Variants in RRAS observed in about 807,000 individuals in gnomAD.
RRAS encodes the protein RAS related, also known as ras-related protein R-Ras.
A neutral mutation model predicts 23.3 loss-of-function variants in RRAS; 18 were observed. The observed-to-expected ratio is 0.77, with a 90% CI of 0.53 to 1.15. RRAS has a LOEUF of 1.15. Ranked by LOEUF, RRAS falls within the 50% of genes most tolerant of loss-of-function variation. The pLI, the probability that RRAS is intolerant of heterozygous loss-of-function variation, is 0.00. For missense variants in RRAS, 291 were observed against 317.1 expected (o/e 0.92, Z 0.62); for synonymous variants, 133 against 138.3 (o/e 0.96, Z 0.27).
rs375821724 is a variant in RRAS at position 49,640,018 on chromosome 19, G to A, written c.81C>T (p.Ser27=). ...CCACGACCACCAGCTTGTGTGTCTC[G>A]CTGGGCGGGGGGTCCCCGGGCCCAG... is the stretch of plus-strand genomic sequence containing the variant. The part of the protein sequence containing the change: ...GGPGPGDPPP[S]ETHKLVVVGG... The change falls in exon 1 of 6, where the codon AGC becomes AGT. Residue 27 remains serine (S), a synonymous_variant. Transcript: ENST00000246792. 3.4e-4 allele frequency: 530 copies of A among 1,565,370 alleles called. 1 individual carries two copies. The highest frequency in any genetic ancestry group is 4.4e-4 in the Non-Finnish European group (515 of 1,164,036).
Position 49,635,490 on chromosome 19 carries a change from G to T in RRAS, c.*86C>A. 1 of 794,956 alleles carries T rather than the reference G, an allele frequency of 1.3e-6. No homozygotes were observed. The highest frequency in any genetic ancestry group is 1.9e-6 in the Non-Finnish European group (1 of 538,824). 49.2% of individuals were successfully genotyped at this position (794,956 alleles called of 1,614,324 possible). On this transcript the variant is annotated 3_prime_UTR_variant, in exon 6 of 6. Transcript: ENST00000246792. ...GGGAGACCCAGATGAGGAAATTGAGGCTCAGTGAGGGCCTCAGGTCACACA... is the reference window on the plus strand; with the variant it reads ...GGGAGACCCAGATGAGGAAATTGAGTCTCAGTGAGGGCCTCAGGTCACACA...
rs781209876 is a variant in RRAS at position 49,640,042 on chromosome 19, A to T, written c.57T>A (p.Pro19=). 3 of 1,520,150 alleles carry T rather than the reference A, an allele frequency of 2.0e-6. No homozygotes were observed. In the South Asian group the frequency reaches 3.6e-5, roughly 18 times the overall value. 94.2% of individuals were successfully genotyped at this position (1,520,150 alleles called of 1,614,324 possible). A position where few individuals can be genotyped will look rare whatever the true frequency, so the allele number is the denominator to read the frequency against. Residue 19 remains proline (P), a synonymous_variant, in exon 1 of 6, where the codon CCT becomes CCA. Coordinates refer to ENST00000246792, the MANE Select transcript of RRAS (RefSeq NM_006270.5). ...TGRGRPRGGG[P]GPGDPPPSET... is the part of the protein sequence containing the mutation. Reference sequence around the variant, plus strand: ...CGCTGGGCGGGGGGTCCCCGGGCCCAGGTCCCCCGCCCCGGGGCCGCCCCC... The same window carrying T: ...CGCTGGGCGGGGGGTCCCCGGGCCCTGGTCCCCCGCCCCGGGGCCGCCCCC...
Position 49,635,764 on chromosome 19 carries a change from T to C in RRAS, c.542A>G (p.Glu181Gly). Residue 181 changes from glutamate (E) to glycine (G), a missense_variant, in exon 5 of 6, where the codon GAG becomes GGG. Coordinates refer to ENST00000246792, the MANE Select transcript of RRAS (RefSeq NM_006270.5). ...ASAKLRLNVD[E>G]AFEQLVRAVR... ...AGCCCGCACCAGCTGCTCAAAAGCC[T>C]CGTCCACGTTGAGACGCAGTTTGGC... 1 of 1,591,722 alleles carries C rather than the reference T, an allele frequency of 6.3e-7. No homozygotes were observed. Among genetic ancestry groups the C allele is most frequent in the Non-Finnish European group, 8.6e-7 (1 of 1,163,272 alleles).
chr19:49,638,021 G>T (rs937208793), intron 1 of RRAS, among the ~76,000 whole-genome samples: 1 of 152,106 alleles, frequency 6.6e-6, no homozygotes, highest in Non-Finnish European at 1.5e-5. Flanking sequence ...TATCGGAGGC[G>T]TTGTTGTCCA....
rs754204165 is a variant in RRAS at position 49,639,997 on chromosome 19, G to A, written c.102C>T (p.Val34=). The A allele has an allele frequency of 5.0e-6, 8 of 1,585,944 alleles. No homozygotes were observed. Among genetic ancestry groups the A allele is most frequent in the Middle Eastern group, 1.8e-4 (1 of 5,626 alleles). Residue 34 remains valine, a synonymous_variant, in exon 1 of 6, where the codon GTC becomes GTT. Transcript: ENST00000246792. ...PPPSETHKLV[V]VGGGGVGKSA... ...TCTTGCCCACGCCGCCGCCGCCCAC[G>A]ACCACCAGCTTGTGTGTCTCGCTGG... is the stretch of plus-strand genomic sequence containing the variant.
In RRAS at chr19:49,637,301, C is replaced by CTTTTTTT. The variant is rs11400258; in HGVS notation, c.154-178_154-172dup. Among the ~76,000 whole-genome samples the CTTTTTTT allele has an allele frequency of 2.2e-4, 23 of 104,112 alleles. 8 individuals carry two copies. The highest frequency in any genetic ancestry group is 2.3e-4 in the Non-Finnish European group (12 of 53,264). The allele number at this position is 104,112 out of a possible 152,430, so 68.3% of individuals were successfully genotyped here. On this transcript the variant is annotated intron_variant, in intron 1 of 5. Transcript: ENST00000246792. ...CTCTGTCCCGTCTGTCTCTCTGAGT[C>CTTTTTTT]TTTTTTTTTTTTTTTTTTTTTTGAG...
rs1865076 is a variant in RRAS, at chr19:49,636,989, C to A, written c.241+54G>T. The A allele has an allele frequency of 0.68, 1,095,382 of 1,604,600 alleles. 376,012 individuals are homozygous for A. The highest frequency in any genetic ancestry group is 0.83 in the East Asian group (37,191 of 44,786). On this transcript the variant is annotated intron_variant, in intron 2 of 5. Coordinates refer to ENST00000246792, the MANE Select transcript of RRAS (RefSeq NM_006270.5). The surrounding 1 kb of genome is among the most constrained non-coding windows in gnomAD (Gnocchi z 4.5). ...GCTCCCCGCAGTCACCCCCAAGAGC[C>A]CTCAGCCCCCACTGACACCACCCCC...
At chr19:49,635,899 T>C (rs1192222804) in intron 4 of RRAS, 47 bp from the exon 5 acceptor site, 1 of 1,022,640 alleles carries the variant, frequency 9.8e-7, no homozygotes, top group African/African-American at 1.6e-5. Flanking sequence ...GCACTCAGGG[T>C]GACCGCAGCC....
chr19:49,639,335 G>T (rs1353462579), intron 1 of RRAS, among the ~76,000 whole-genome samples: 1 of 150,616 alleles, frequency 6.6e-6, no homozygotes, highest in African/African-American at 2.4e-5. Context: ...TGAGGCAGGA[G>T]AATTGCTTGA....
Position 49,636,733 on chromosome 19 carries a change from A to G in RRAS, c.345-6T>C. On this transcript the variant is annotated splice_region_variant and splice_polypyrimidine_tract_variant and intron_variant, in intron 3 of 5. Transcript: ENST00000246792. This position sits in a 1 kb window ranked among gnomAD's most constrained non-coding sequence, Gnocchi z 4.5. ...GCTTGCCCACCTCGTTGAAACTGCG[A>G]GTGAAGCCGGAGGCATGAGGTCCAG... is the stretch of plus-strand genomic sequence containing the variant. 6.2e-7 allele frequency: 1 copy of G among 1,613,662 alleles called. No individual in the cohort carries two copies. Among genetic ancestry groups the G allele is most frequent in the South Asian group, 1.1e-5 (1 of 91,078 alleles).
In RRAS at chr19:49,636,397, C is replaced by T. The variant is rs773392630; in HGVS notation, c.453+222G>A. Among the ~76,000 whole-genome samples the T allele has an allele frequency of 1.3e-5, 2 of 152,082 alleles. No homozygotes were observed. The highest frequency in any genetic ancestry group is 2.9e-5 in the Non-Finnish European group (2 of 67,998). ...GACGGGGGGTGAATGTCCTTTGTTCCGTCCAGCAGCCTCTCCTGAGGACAC... is the reference window on the plus strand; with the variant it reads ...GACGGGGGGTGAATGTCCTTTGTTCTGTCCAGCAGCCTCTCCTGAGGACAC... On this transcript the variant is annotated intron_variant, in intron 4 of 5. Coordinates refer to ENST00000246792, the MANE Select transcript of RRAS (RefSeq NM_006270.5). This position sits in a 1 kb window ranked among gnomAD's most constrained non-coding sequence, Gnocchi z 4.5.
Position 49,636,549 on chromosome 19 carries a change from G to T in RRAS, c.453+70C>A. 1.9e-6 allele frequency: 2 copies of T among 1,070,196 alleles called. No individual in the cohort carries two copies. The highest frequency in any genetic ancestry group is 2.9e-6 in the Non-Finnish European group (2 of 685,776). 66.3% of individuals were successfully genotyped at this position (1,070,196 alleles called of 1,614,324 possible). A position where few individuals can be genotyped will look rare whatever the true frequency, so the allele number is the denominator to read the frequency against. ...TGCAGGAACAGAGGAGGATGCTGAT[G>T]GGGGACAGGTGTGCTGGAAGGAGCC... On this transcript the variant is annotated intron_variant, in intron 4 of 5. Coordinates refer to ENST00000246792, the MANE Select transcript of RRAS (RefSeq NM_006270.5). This position sits in a 1 kb window ranked among gnomAD's most constrained non-coding sequence, Gnocchi z 4.5.
At chr19:49,639,858 G>A (rs2081014076) in intron 1 of RRAS, 88 bp downstream of exon 1, 1 of 1,176,034 alleles carries the variant, frequency 8.5e-7, no homozygotes, top group South Asian at 1.4e-5. Context: ...CTCAGTGATG[G>A]GTCAAGGGGG....
At chr19:49,639,598 G>C (rs1392296538) in intron 1 of RRAS, among the ~76,000 whole-genome samples, 1 of 151,946 alleles carries the variant, frequency 6.6e-6, no homozygotes, top group Non-Finnish European at 1.5e-5. Context: ...TGGCACCAAG[G>C]GCGTGGTGGG....
rs1311348311 is a variant in RRAS, at chr19:49,636,867, C to G, written c.301G>C (p.Gly101Arg). The G allele has an allele frequency of 6.2e-7, 1 of 1,613,362 alleles. No homozygotes were observed. The highest frequency in any genetic ancestry group is 1.3e-5 in the African/African-American group (1 of 74,916). The change falls in exon 3 of 6, where the codon GGC (glycine) becomes CGC (arginine). Residue 101 changes from glycine to arginine, a missense_variant. Coordinates refer to ENST00000246792, the MANE Select transcript of RRAS (RefSeq NM_006270.5). This position sits in a 1 kb window ranked among gnomAD's most constrained non-coding sequence, Gnocchi z 4.5. ...GCGAACACCAGCAGGAAGCCGTGGCCAGCACGCATGTACTGCTCTCTCATG... is the reference window on the plus strand; with the variant it reads ...GCGAACACCAGCAGGAAGCCGTGGCGAGCACGCATGTACTGCTCTCTCATG... ...GAMREQYMRA[G>R]HGFLLVFAIN...
In RRAS at chr19:49,635,610, T is replaced by C. The variant is rs1568436746; in HGVS notation, c.623A>G (p.Lys208Arg). The change falls in exon 6 of 6, where the codon AAG becomes AGG. Residue 208 changes from lysine to arginine, a missense_variant. Physicochemically the swap from Lys to Arg is conservative, Grantham distance 26. Transcript: ENST00000246792. ...LPPSPPSAPR[K>R]KGGGCPCVLL ...GACGCAGGGGCAGCCCCCGCCCTTCTTCCTGGGGGCACTGGGAGGGCTCGG... is the reference window on the plus strand; with the variant it reads ...GACGCAGGGGCAGCCCCCGCCCTTCCTCCTGGGGGCACTGGGAGGGCTCGG... 10 of 1,437,358 alleles carry C rather than the reference T, an allele frequency of 7.0e-6. No individual in the cohort carries two copies. Among genetic ancestry groups the C allele is most frequent in the Non-Finnish European group, 8.3e-6 (9 of 1,085,532 alleles). 89.0% of individuals were successfully genotyped at this position (1,437,358 alleles called of 1,614,324 possible).
intron 1 of RRAS, 50 bp from the exon 2 acceptor site, chr19:49,637,180 C>A (rs372800884): frequency 1.0e-5 from 14 of 1,397,182 alleles, no homozygotes; most frequent in Non-Finnish European, 1.3e-5. Context: ...GCAGACAGGA[C>A]GAAGCCCTGC....
At position 49,636,677 on chromosome 19, in the gene RRAS, C is replaced by T. The variant is rs142277653; in HGVS notation, c.395G>A (p.Arg132His). The change falls in exon 4 of 6, where the codon CGC (arginine) becomes CAC (histidine). Residue 132 changes from arginine (R) to histidine (H), a missense_variant. Coordinates refer to ENST00000246792, the MANE Select transcript of RRAS (RefSeq NM_006270.5). This position sits in a 1 kb window ranked among gnomAD's most constrained non-coding sequence, Gnocchi z 4.5. Reference sequence around the variant, plus strand: ...GACCAACACAACGGGGAAGTCGTCGCGGTCCTTGACCCGCAGAATCTGCGT... The same window carrying T: ...GACCAACACAACGGGGAAGTCGTCGTGGTCCTTGACCCGCAGAATCTGCGT... ...LFTQILRVKD[R>H]DDFPVVLVGN... 26 of 1,614,030 alleles carry T rather than the reference C, an allele frequency of 1.6e-5. No homozygotes were observed. Among genetic ancestry groups the T allele is most frequent in the East Asian group, 4.5e-5 (2 of 44,896 alleles).
At chr19:49,639,767 G>C (rs986201013) in intron 1 of RRAS, among the ~76,000 whole-genome samples, 179 bp downstream of exon 1, 3 of 152,136 alleles carry the variant, frequency 2.0e-5, no homozygotes, top group African/African-American at 7.2e-5. Flanking sequence ...AGGGTCCCCC[G>C]TGCAGGGGAT....
Sources: gnomAD v4.1 joint callset for allele counts (sites outside exome capture counted in the v4.1 genomes callset) on GRCh38, gnomAD v4.1.1 for gene constraint, Gnocchi (gnomAD v3.1) non-coding constraint, MANE v1.5 for transcripts, NCBI Gene and HGNC (gene_info 2026-07-23, HGNC 2026-07-21) for gene names.